The following SSBP2 variants were observed in gnomAD, a reference collection of about 807,000 sequenced individuals.
SSBP2 encodes single stranded DNA binding protein 2, also known as single-stranded DNA-binding protein 2.
SSBP2 carries 17 observed loss-of-function variants against 61.8 expected under a neutral mutation model. The ratio of observed to expected loss-of-function variants is 0.28; its 90% CI spans 0.19 to 0.41. The LOEUF (loss-of-function observed/expected upper bound fraction) is 0.41. Ranked by LOEUF, SSBP2 falls within the 10% of genes least tolerant of loss-of-function variation. SSBP2 has a pLI of 1.00. For synonymous variants in SSBP2, 139 were observed against 141.3 expected, an observed-to-expected ratio of 0.98 and a Z score of 0.12; for missense variants, 310 against 458.7, an observed-to-expected ratio of 0.68 and a Z score of 2.96.
chr5:81,713,255 T>A (rs1754919404), intron 1 of SSBP2, among the ~76,000 whole-genome samples: 1 of 151,078 alleles, frequency 6.6e-6, no homozygotes, highest in African/African-American at 2.4e-5. Flanking sequence ...ACAGGAGGAT[T>A]AAAAAAAAAT....
At chr5:81,663,274 CTT>C (rs1475184050) in intron 1 of SSBP2, among the ~76,000 whole-genome samples, 1 of 152,192 alleles carries the variant, frequency 6.6e-6, no homozygotes. Context: ...TCCTAACTCT[CTT>C]TCTACATATA....
chr5:81,550,824 C>T (rs887881532), intron 4 of SSBP2, among the ~76,000 whole-genome samples: 18 of 152,138 alleles, frequency 1.2e-4, no homozygotes, highest in African/African-American at 4.1e-4. Flanking sequence ...AGGCCAGGCG[C>T]GGTGGCTCAC....
At chr5:81,624,162 T>C (rs1355505732) in intron 3 of SSBP2, among the ~76,000 whole-genome samples, 1 of 152,150 alleles carries the variant, frequency 6.6e-6, no homozygotes, top group Non-Finnish European at 1.5e-5. Context: ...TATAATAATC[T>C]AGGATATGTT....
rs118033211 is a variant in SSBP2 at position 81,622,204 on chromosome 5, G to A, written c.198-6647C>T. ...CAGTGGGAAGTGAAGCAGACTGGGG[G>A]GGAAAAATTATGCTCCTTACAAAAC... On this transcript the variant is annotated intron_variant, in intron 3 of 16. Transcript: ENST00000320672. 1.4e-4 allele frequency among the ~76,000 whole-genome samples: 22 copies of A among 151,944 alleles called. 2 individuals are homozygous for A. The East Asian group carries it at 4.2e-3, about 29-fold the overall frequency.
chr5:81,608,791 C>A (rs1581157026), intron 4 of SSBP2, among the ~76,000 whole-genome samples: 1 of 151,936 alleles, frequency 6.6e-6, no homozygotes, highest in East Asian at 1.9e-4. Context: ...GGGTTTGAGT[C>A]AGATGCAGAA....
At chr5:81,440,489 T>A (rs1762960972) in intron 14 of SSBP2, 69 bp downstream of exon 14, 1 of 1,353,160 alleles carries the variant, frequency 7.4e-7, no homozygotes, top group Admixed American at 1.9e-5. Flanking sequence ...TTGGAAACTG[T>A]AATATGCACT....
At chr5:81,627,355 C>A (rs1747271460) in intron 3 of SSBP2, among the ~76,000 whole-genome samples, 1 of 152,142 alleles carries the variant, frequency 6.6e-6, no homozygotes, top group Non-Finnish European at 1.5e-5. Context: ...CTCCTTCTAG[C>A]CCCGTTGTCA....
intron 3 of SSBP2, among the ~76,000 whole-genome samples, chr5:81,631,984 C>T (rs1747770376): frequency 6.6e-6 from 1 of 152,024 alleles, no homozygotes; most frequent in Admixed American, 6.5e-5. Context: ...CATGATCATA[C>T]TGTAGAAAAT....
In SSBP2 at chr5:81,413,083, T is replaced by A. The variant is rs928049453; in HGVS notation, c.*7421A>T. ...ATACAAACTTGACTTTTTCAACAAGTAATGAAGTACAGGCTAGAAATGAAA... is the reference window on the plus strand; with the variant it reads ...ATACAAACTTGACTTTTTCAACAAGAAATGAAGTACAGGCTAGAAATGAAA... On this transcript the variant is annotated 3_prime_UTR_variant, in exon 17 of 17. Transcript: ENST00000320672. The A allele has an allele frequency of 1.3e-5, 2 of 152,212 alleles. No individual in the cohort carries two copies. The highest frequency in any genetic ancestry group is 2.4e-5 in the African/African-American group (1 of 41,456). 9.4% of individuals were successfully genotyped at this position (152,212 alleles called of 1,614,324 possible). A position where few individuals can be genotyped will look rare whatever the true frequency, so the allele number is the denominator to read the frequency against.
chr5:81,536,755 C>T (rs1770833434), intron 4 of SSBP2, among the ~76,000 whole-genome samples: 1 of 152,040 alleles, frequency 6.6e-6, no homozygotes, highest in South Asian at 2.1e-4. Flanking sequence ...GTATGTGTTG[C>T]TATATCTTAA....
At chr5:81,485,762 C>T (rs1420913151) in intron 6 of SSBP2, among the ~76,000 whole-genome samples, 1 of 152,174 alleles carries the variant, frequency 6.6e-6, no homozygotes, top group Non-Finnish European at 1.5e-5. Context: ...TCTCCTGCTT[C>T]AGCCTCCTGA....
intron 15 of SSBP2, among the ~76,000 whole-genome samples, chr5:81,433,202 G>A (rs1423527411): frequency 6.6e-6 from 1 of 152,010 alleles, no homozygotes; most frequent in African/African-American, 2.4e-5. Context: ...GAAATCGGAT[G>A]GTTGCTGTGT....
chr5:81,526,927 G>A lies in SSBP2; in HGVS notation c.283-13210C>T, dbSNP rs79775410. 7.2e-3 allele frequency among the ~76,000 whole-genome samples: 1,098 copies of A among 151,804 alleles called. 23 individuals carry two copies. The highest frequency in any genetic ancestry group is 0.025 in the African/African-American group (1,040 of 41,444). On this transcript the variant is annotated intron_variant, in intron 4 of 16. Coordinates refer to ENST00000320672, the MANE Select transcript of SSBP2 (RefSeq NM_012446.5). ...CTTCAGGCTGAGACCTGAAGAATCA[G>A]TCATAGGGAGGCCAAAAAACCAAAC...
intron 4 of SSBP2, among the ~76,000 whole-genome samples, chr5:81,577,482 C>G (rs10942270): frequency 0.28 from 43,110 of 151,702 alleles, 6,773 homozygotes; most frequent in African/African-American, 0.44. Context: ...TAATATGAAG[C>G]CAGAGCCGAA....
At position 81,721,433 on chromosome 5, in the gene SSBP2, C is replaced by A. The variant is rs147520378; in HGVS notation, c.62+29548G>T. ...GCACCCAAATGAAAAAGCTCATGAA[C>A]CAGTTCACACACTAAGCAAAATACA... is the stretch of plus-strand genomic sequence containing the variant. On this transcript the variant is annotated intron_variant, in intron 1 of 16. Coordinates refer to ENST00000320672, the MANE Select transcript of SSBP2 (RefSeq NM_012446.5). Among the ~76,000 whole-genome samples the A allele has an allele frequency of 3.5e-3, 540 of 152,174 alleles. 2 individuals are homozygous for A. Among genetic ancestry groups the A allele is most frequent in the African/African-American group, 0.012 (491 of 41,534 alleles).
intron 9 of SSBP2, among the ~76,000 whole-genome samples, chr5:81,463,758 CTTTTTTTTTTTTT>C (rs938398439): frequency 5.2e-5 from 5 of 96,312 alleles, no homozygotes; most frequent in Middle Eastern, 6.3e-3. Flanking sequence ...GAAAAATCCT[CTTTTTTTTTTTTT>C]TTTTTTTTTT....
At chr5:81,610,982 G>C (rs919501128) in intron 4 of SSBP2, among the ~76,000 whole-genome samples, 1 of 152,164 alleles carries the variant, frequency 6.6e-6, no homozygotes, top group Non-Finnish European at 1.5e-5. Context: ...CAACAAGAGT[G>C]AAACTCTGTC....
chr5:81,679,572 T>A (rs1752235821), intron 1 of SSBP2, among the ~76,000 whole-genome samples: 1 of 152,134 alleles, frequency 6.6e-6, no homozygotes. Flanking sequence ...GAGCAAACAC[T>A]ATAAAAGTTT....
chr5:81,539,881 C>CT (rs1771115467), intron 4 of SSBP2, among the ~76,000 whole-genome samples: 1 of 152,164 alleles, frequency 6.6e-6, no homozygotes, highest in Non-Finnish European at 1.5e-5. Context: ...TCTCCTAATG[C>CT]TATCCCTCCC....
Sources: allele counts gnomAD v4.1 joint callset (sites outside exome capture counted in the v4.1 genomes callset), GRCh38; gene constraint gnomAD v4.1.1; transcripts MANE v1.5; gene names NCBI Gene and HGNC (gene_info 2026-07-23, HGNC 2026-07-21).